The following B3GALT1 variants were observed in gnomAD, a reference collection of about 807,000 sequenced individuals.
B3GALT1 encodes the protein beta-1,3-galactosyltransferase 1.
Under a neutral mutation model 23.2 loss-of-function variants are expected in B3GALT1, and 10 were observed. That is an observed-to-expected ratio of 0.43 (90% confidence interval 0.27 to 0.73). The LOEUF is 0.73. Among genes scored for constraint, B3GALT1 ranks in the 30% least tolerant of loss-of-function variants. The probability of loss-of-function intolerance (pLI) is 0.21; values close to 1 mark genes in which losing one functional copy is unlikely to be tolerated. For synonymous variants in B3GALT1, 156 were observed against 141.5 expected, an observed-to-expected ratio of 1.10 and a Z score of -0.73; for missense variants, 299 against 405.4, an observed-to-expected ratio of 0.74 and a Z score of 2.25.
intron 3 of B3GALT1, among the ~76,000 whole-genome samples, chr2:167,801,378 CT>C (rs1688636092): frequency 6.6e-6 from 1 of 152,158 alleles, no homozygotes; most frequent in Non-Finnish European, 1.5e-5. Context: ...CCAGACCATA[CT>C]TTAAATTTAA....
At chr2:167,318,756 C>T (rs1432800254) in intron 1 of B3GALT1, among the ~76,000 whole-genome samples, 2 of 152,128 alleles carry the variant, frequency 1.3e-5, no homozygotes, top group Admixed American at 1.3e-4. Context: ...GGTGCCTGGG[C>T]TTTTGGCCAG....
At position 167,354,596 on chromosome 2, in the gene B3GALT1, C is replaced by T. The variant is rs182560414; in HGVS notation, c.-511+61262C>T. On this transcript the variant is annotated intron_variant, in intron 1 of 4. Transcript: ENST00000392690. Reference sequence around the variant, plus strand: ...TGTTGACCTCGTGATCCACCCGCCTCGGCCTCCCAAAGTGCTGGGATTACA... The same window carrying T: ...TGTTGACCTCGTGATCCACCCGCCTTGGCCTCCCAAAGTGCTGGGATTACA... 2.6e-3 allele frequency among the ~76,000 whole-genome samples: 392 copies of T among 152,272 alleles called. 4 individuals carry two copies. The highest frequency in any genetic ancestry group is 8.8e-3 in the African/African-American group (364 of 41,544).
intron 2 of B3GALT1, among the ~76,000 whole-genome samples, chr2:167,607,802 T>C (rs983025992): frequency 2.6e-5 from 4 of 152,172 alleles, no homozygotes; most frequent in African/African-American, 9.7e-5. Context: ...CTAGAAACTC[T>C]TAGGGCTGAG....
chr2:167,527,816 T>TA (rs1482904615), intron 2 of B3GALT1, among the ~76,000 whole-genome samples: 1 of 152,174 alleles, frequency 6.6e-6, no homozygotes, highest in African/African-American at 2.4e-5. Flanking sequence ...ACTAGCTGCA[T>TA]ATGTAACGGC....
intron 1 of B3GALT1, among the ~76,000 whole-genome samples, chr2:167,482,156 C>T (rs560403932): frequency 6.6e-6 from 1 of 152,278 alleles, no homozygotes; most frequent in African/African-American, 2.4e-5. Flanking sequence ...AGCATAAAGA[C>T]ATCTCTCCTC....
At chr2:167,662,952 T>C (rs1274999822) in intron 3 of B3GALT1, among the ~76,000 whole-genome samples, 1 of 152,082 alleles carries the variant, frequency 6.6e-6, no homozygotes, top group Non-Finnish European at 1.5e-5. Context: ...TTTATTGTAT[T>C]TTCTTTTTTT....
chr2:167,407,894 A>G (rs1481595676), intron 1 of B3GALT1, among the ~76,000 whole-genome samples: 1 of 152,224 alleles, frequency 6.6e-6, no homozygotes, highest in African/African-American at 2.4e-5. Context: ...AATTCTACCA[A>G]ACACTTAAAG....
At chr2:167,511,868 G>A (rs1057484012) in intron 2 of B3GALT1, among the ~76,000 whole-genome samples, 1 of 151,936 alleles carries the variant, frequency 6.6e-6, no homozygotes, top group African/African-American at 2.4e-5. Context: ...AACATTTTTG[G>A]GCTTGTTACT....
At chr2:167,611,780 C>T (rs958103744) in intron 2 of B3GALT1, among the ~76,000 whole-genome samples, 2 of 151,826 alleles carry the variant, frequency 1.3e-5, no homozygotes, top group Non-Finnish European at 2.9e-5. Flanking sequence ...TGGTAAAATA[C>T]GATGCACCTG....
intron 2 of B3GALT1, among the ~76,000 whole-genome samples, chr2:167,512,635 T>TAC (rs71031293): frequency 3.4e-5 from 3 of 88,950 alleles, no homozygotes; most frequent in African/African-American, 1.5e-4. Flanking sequence ...TATATATATA[T>TAC]ACATATATAT....
intron 1 of B3GALT1, among the ~76,000 whole-genome samples, chr2:167,382,502 C>T (rs938854430): frequency 5.9e-5 from 9 of 151,974 alleles, no homozygotes; most frequent in Non-Finnish European, 1.2e-4. Context: ...TTTCTTCATC[C>T]CCTCTGTGTA....
intron 1 of B3GALT1, among the ~76,000 whole-genome samples, chr2:167,409,054 A>C (rs1424806224): frequency 1.3e-5 from 2 of 152,230 alleles, no homozygotes; most frequent in Non-Finnish European, 2.9e-5. Context: ...CAAAAGATCC[A>C]AAAGAGCCAA....
At chr2:167,830,971 C>T (rs536067587) in intron 4 of B3GALT1, among the ~76,000 whole-genome samples, 1 of 152,334 alleles carries the variant, frequency 6.6e-6, no homozygotes, top group South Asian at 2.1e-4. Flanking sequence ...GGACATTTGT[C>T]TCTACCTCCT....
chr2:167,647,771 TTTTC>T (rs1216811615), intron 3 of B3GALT1, among the ~76,000 whole-genome samples: 1 of 152,090 alleles, frequency 6.6e-6, no homozygotes, highest in African/African-American at 2.4e-5. Context: ...CTCCTTTTAT[TTTTC>T]TTTCTTTATT....
chr2:167,489,087 T>A (rs1258561105), intron 1 of B3GALT1, among the ~76,000 whole-genome samples: 2 of 152,100 alleles, frequency 1.3e-5, no homozygotes, highest in East Asian at 3.9e-4. Flanking sequence ...TTGTTAGAAG[T>A]AGAGTTCAGA....
At chr2:167,530,389 T>C (rs183144994) in intron 2 of B3GALT1, among the ~76,000 whole-genome samples, 1 of 152,216 alleles carries the variant, frequency 6.6e-6, no homozygotes, top group African/African-American at 2.4e-5. Context: ...ATAACTCCCT[T>C]GCTCCTAAGA....
rs778903258 is a variant in B3GALT1, at chr2:167,758,359, G to A, written c.-351-60313G>A. On this transcript the variant is annotated intron_variant, in intron 3 of 4. Coordinates refer to ENST00000392690, the MANE Select transcript of B3GALT1 (RefSeq NM_020981.4). ...GCTTCATTTTTTTACTCCCAGCCCC[G>A]AATCCTCCCTGCCCCAGTCCTGGGC... Among the ~76,000 whole-genome samples, 7 of 152,164 alleles carry A rather than the reference G, an allele frequency of 4.6e-5. No homozygotes were observed. The South Asian group carries it at 6.2e-4, about 14-fold the overall frequency.
At chr2:167,773,324 C>T (rs905090698) in intron 3 of B3GALT1, among the ~76,000 whole-genome samples, 14 of 151,930 alleles carry the variant, frequency 9.2e-5, no homozygotes, top group African/African-American at 2.7e-4. Flanking sequence ...AAAACAGTAT[C>T]GAGTTTAATT....
intron 2 of B3GALT1, among the ~76,000 whole-genome samples, chr2:167,637,871 C>G (rs1364869483): frequency 1.3e-5 from 2 of 151,218 alleles, no homozygotes; most frequent in Non-Finnish European, 1.5e-5. Flanking sequence ...CCACTATTGA[C>G]TCATTCCTTG....
Sources: gnomAD v4.1 joint callset for allele counts (sites outside exome capture counted in the v4.1 genomes callset) on GRCh38, gnomAD v4.1.1 for gene constraint, MANE v1.5 for transcripts, NCBI Gene and HGNC (gene_info 2026-07-23, HGNC 2026-07-21) for gene names.